Variants in LARGE1 observed in about 807,000 individuals in gnomAD.
LARGE1 encodes LARGE xylosyl- and glucuronyltransferase 1.
LARGE1 carries 43 observed loss-of-function variants against 87.6 expected under a neutral mutation model. The ratio of observed to expected loss-of-function variants is 0.49; its 90% CI spans 0.38 to 0.63. The LOEUF is 0.63. Ranked by LOEUF, LARGE1 falls within the 30% of genes least tolerant of loss-of-function variation. LARGE1 has a pLI of 0.00. For synonymous variants in LARGE1, 434 were observed against 394.6 expected, an observed-to-expected ratio of 1.10 and a Z score of -1.18; for missense variants, 802 against 1,000.2, an observed-to-expected ratio of 0.80 and a Z score of 2.67.
chr22:33,576,971 A>G (rs2078372486), intron 5 of LARGE1, among the ~76,000 whole-genome samples: 1 of 152,214 alleles, frequency 6.6e-6, no homozygotes, highest in African/African-American at 2.4e-5. Context: ...GGTTGAACCC[A>G]AGAATACAGA....
chr22:33,291,986 C>A (rs1045490888), intron 12 of LARGE1, among the ~76,000 whole-genome samples: 3 of 152,114 alleles, frequency 2.0e-5, no homozygotes, highest in African/African-American at 4.8e-5. Flanking sequence ...CTCAGCTACG[C>A]AGGAGGCTGA....
intron 11 of LARGE1, among the ~76,000 whole-genome samples, chr22:33,203,882 C>G (rs1230303660): frequency 6.6e-6 from 1 of 151,972 alleles, no homozygotes; most frequent in Non-Finnish European, 1.5e-5. Context: ...TCATTCTGTC[C>G]CATCATCGCC....
chr22:33,309,504 TC>T (rs1022736142), intron 11 of LARGE1, among the ~76,000 whole-genome samples: 7 of 152,146 alleles, frequency 4.6e-5, no homozygotes, highest in Non-Finnish European at 8.8e-5. Flanking sequence ...GCTAGCTGGC[TC>T]CTTCCACCAC....
intron 11 of LARGE1, among the ~76,000 whole-genome samples, chr22:33,307,140 G>A (rs1220842812): frequency 6.6e-6 from 1 of 152,138 alleles, no homozygotes; most frequent in African/African-American, 2.4e-5. Context: ...TTTAAAGTGT[G>A]ATCATGATCT....
intron 11 of LARGE1, among the ~76,000 whole-genome samples, chr22:33,203,093 C>A (rs5007856): frequency 7.3e-6 from 1 of 137,290 alleles, no homozygotes; most frequent in Non-Finnish European, 1.6e-5. Flanking sequence ...CTCTCTCTCT[C>A]TCTCTCTCTG....
chr22:33,572,340 G>C, intron 5 of LARGE1: 1 of 376,712 alleles, frequency 2.7e-6, no homozygotes, highest in Admixed American at 4.2e-5. Flanking sequence ...GGCTTGAGAT[G>C]CTGGGACAGA....
chr22:33,887,885 C>T (rs974362450), intron 1 of LARGE1, among the ~76,000 whole-genome samples: 7 of 152,320 alleles, frequency 4.6e-5, no homozygotes, highest in East Asian at 1.9e-4. Flanking sequence ...TGAAGATCAA[C>T]GCCAATACAA....
rs147794481 is a variant in LARGE1 at position 33,768,340 on chromosome 22, T to C, written c.-82-6782A>G. Among the ~76,000 whole-genome samples, 289 of 152,222 alleles carry C rather than the reference T, an allele frequency of 1.9e-3. 2 individuals are homozygous for C. The highest frequency in any genetic ancestry group is 6.8e-3 in the African/African-American group (282 of 41,536). On this transcript the variant is annotated intron_variant, in intron 1 of 14. Transcript: ENST00000397394. ...ACCAAGTCCTATGGCAGATGGACCA[T>C]TGAAAGATGTTAGCTTTATTATCAT...
At chr22:33,699,482 G>A (rs187332719) in intron 2 of LARGE1, among the ~76,000 whole-genome samples, 53 of 152,368 alleles carry the variant, frequency 3.5e-4, no homozygotes, top group African/African-American at 1.1e-3. Flanking sequence ...AGTGGGTTAA[G>A]TGTCGTCTTC....
chr22:33,764,698 C>T (rs1027997545), intron 1 of LARGE1, among the ~76,000 whole-genome samples: 5 of 152,186 alleles, frequency 3.3e-5, no homozygotes, highest in Admixed American at 6.5e-5. Flanking sequence ...GCGGAGGTTA[C>T]AGTGAGCAAG....
chr22:33,602,316 G>C (rs1338105672), intron 5 of LARGE1, among the ~76,000 whole-genome samples: 2 of 150,716 alleles, frequency 1.3e-5, no homozygotes, highest in East Asian at 1.9e-4. Context: ...TCTTTTTTGA[G>C]GAAAAAAAAT....
At chr22:33,657,409 C>A (rs1459152600) in intron 2 of LARGE1, among the ~76,000 whole-genome samples, 3 of 152,172 alleles carry the variant, frequency 2.0e-5, no homozygotes, top group Non-Finnish European at 4.4e-5. Flanking sequence ...TAATCTTATC[C>A]TAAAACAGGG....
At chr22:33,505,303 C>T (rs1439912213) in intron 6 of LARGE1, among the ~76,000 whole-genome samples, 2 of 152,198 alleles carry the variant, frequency 1.3e-5, no homozygotes, top group East Asian at 3.9e-4. Flanking sequence ...GAAGCTGAGG[C>T]TTTGAACTGT....
At position 33,660,403 on chromosome 22, in the gene LARGE1, A is replaced by C. The variant is rs2081089184; in HGVS notation, c.107-9735T>G. Among the ~76,000 whole-genome samples, 3 of 152,178 alleles carry C rather than the reference A, an allele frequency of 2.0e-5. No individual in the cohort carries two copies. In the South Asian group the frequency reaches 6.2e-4, roughly 32 times the overall value. On this transcript the variant is annotated intron_variant, in intron 2 of 14. Transcript: ENST00000397394. ...AAACCGTCATTGGAGGGTAATGATA[A>C]CAGTGTATACTAGAAAAGGTGAATA...
At chr22:33,666,907 G>C (rs2081283687) in intron 2 of LARGE1, among the ~76,000 whole-genome samples, 1 of 152,184 alleles carries the variant, frequency 6.6e-6, no homozygotes, top group Admixed American at 6.5e-5. Flanking sequence ...ACAGCACTGG[G>C]GAGGCTTGGG....
chr22:33,494,533 A>G (rs368727752), intron 6 of LARGE1, among the ~76,000 whole-genome samples: 26 of 151,948 alleles, frequency 1.7e-4, no homozygotes, highest in African/African-American at 5.5e-4. Context: ...ACCATATTCT[A>G]TTTTAATTGG....
intron 2 of LARGE1, among the ~76,000 whole-genome samples, chr22:33,674,736 A>G (rs1047598193): frequency 1.3e-5 from 2 of 152,156 alleles, no homozygotes; most frequent in East Asian, 1.9e-4. Flanking sequence ...CAACCTCAGG[A>G]AAGTCTCCCC....
chr22:33,656,393 C>T (rs1039948914), intron 2 of LARGE1, among the ~76,000 whole-genome samples: 15 of 152,098 alleles, frequency 9.9e-5, no homozygotes, highest in Admixed American at 3.9e-4. Flanking sequence ...ATGAGGGAAC[C>T]GCCCCCATGA....
At chr22:33,850,879 A>G (rs895835033) in intron 1 of LARGE1, among the ~76,000 whole-genome samples, 1 of 152,078 alleles carries the variant, frequency 6.6e-6, no homozygotes, top group African/African-American at 2.4e-5. Flanking sequence ...CCTGCTCCCA[A>G]GACCCTATAA....
Sources: gnomAD v4.1 joint callset for allele counts (sites outside exome capture counted in the v4.1 genomes callset) on GRCh38, gnomAD v4.1.1 for gene constraint, MANE v1.5 for transcripts, NCBI Gene and HGNC (gene_info 2026-07-23, HGNC 2026-07-21) for gene names.